PKD1L1: variants seen among roughly 807,000 people sequenced by gnomAD.
PKD1L1 encodes polycystin-1-like protein 1.
PKD1L1 carries 236 observed loss-of-function variants against 323.4 expected under a neutral mutation model. The observed-to-expected ratio is 0.73, with a 90% CI of 0.66 to 0.81. The LOEUF (loss-of-function observed/expected upper bound fraction) is 0.81. Among genes scored for constraint, PKD1L1 ranks in the 40% least tolerant of loss-of-function variants. The pLI, the probability that PKD1L1 is intolerant of heterozygous loss-of-function variation, is 0.00. For missense variants in PKD1L1, 3,320 were observed against 3,508.0 expected, an observed-to-expected ratio of 0.95 and a Z score of 1.35; for synonymous variants, 1,344 against 1,335.0, an observed-to-expected ratio of 1.01 and a Z score of -0.15.
At chr7:47,789,952 G>C (rs1006741596) in intron 56 of PKD1L1, among the ~76,000 whole-genome samples, 1 of 151,298 alleles carries the variant, frequency 6.6e-6, no homozygotes, top group Non-Finnish European at 1.5e-5. Flanking sequence ...GCAGTGGTGT[G>C]ATCTCGGCTC....
chr7:47,959,407 A>G, the PKD1L1 span, among the ~76,000 whole-genome samples: 37 of 137,126 alleles, frequency 2.7e-4, no homozygotes, highest in African/African-American at 7.9e-4. Flanking sequence ...CATCCCATCT[A>G]GGAAGTGAGG....
In PKD1L1 at chr7:47,775,053, A is replaced by C. The variant is rs2128720016; in HGVS notation, c.*90T>G. ...ACTTCTTCGTACCTCAGCTCTTCTC[A>C]CCTGCAAAACTAGGATGTCTGCTAA... is the stretch of plus-strand genomic sequence containing the variant. On this transcript the variant is annotated 3_prime_UTR_variant, in exon 57 of 57. Transcript: ENST00000289672. 9 of 1,410,414 alleles carry C rather than the reference A, an allele frequency of 6.4e-6. No individual in the cohort carries two copies. The highest frequency in any genetic ancestry group is 6.9e-6 in the Non-Finnish European group (7 of 1,008,434). 87.4% of individuals were successfully genotyped at this position (1,410,414 alleles called of 1,614,324 possible).
Position 47,843,148 on chromosome 7 carries a change from G to A in PKD1L1, c.5259C>T (p.Pro1753=). The A allele has an allele frequency of 6.2e-7, 1 of 1,611,550 alleles. No individual in the cohort carries two copies. The highest frequency in any genetic ancestry group is 1.1e-5 in the South Asian group (1 of 90,366). Residue 1753 remains proline (P), a synonymous_variant, in exon 34 of 57, where the codon CCC becomes CCT. Transcript: ENST00000289672. ...TCACAGAACCCATAATAAAAATACT[G>A]GGAAGCAAGTTTTCTGGGTGGCTAT... The part of the protein sequence containing the change: ...KLQSHPENLL[P]SIFIMGSVIL...
intron 52 of PKD1L1, 99 bp downstream of exon 52, chr7:47,808,148 C>T: frequency 7.0e-7 from 1 of 1,432,526 alleles, no homozygotes; most frequent in East Asian, 2.3e-5. Flanking sequence ...TCAAACAAAT[C>T]TGTTGTCTCG....
chr7:47,831,218 T>C lies in PKD1L1; in HGVS notation c.6472A>G (p.Arg2158Gly), dbSNP rs1489425284. The C allele has an allele frequency of 6.2e-7, 1 of 1,613,242 alleles. No homozygotes were observed. Among genetic ancestry groups the C allele is most frequent in the African/African-American group, 1.3e-5 (1 of 74,906 alleles). Reference protein sequence around the residue: ...CSLGTGFLAYRFGQEQCVQWL... With the variant: ...CSLGTGFLAYGFGQEQCVQWL... Reference sequence around the variant, plus strand: ...TGTTTGAAAAACTCTACAGCTCACCTGTAGGCTAGAAATCCTGTCCCCAAA... The same window carrying C: ...TGTTTGAAAAACTCTACAGCTCACCCGTAGGCTAGAAATCCTGTCCCCAAA... The change falls in exon 42 of 57, where the codon AGG (arginine) becomes GGG (glycine). Residue 2158 changes from arginine to glycine, a missense_variant and splice_region_variant. By Grantham distance (125) the Arg-to-Gly change is moderately radical. Coordinates refer to ENST00000289672, the MANE Select transcript of PKD1L1 (RefSeq NM_138295.5).
intron 45 of PKD1L1, among the ~76,000 whole-genome samples, chr7:47,825,074 T>C (rs561347942): frequency 5.5e-4 from 84 of 152,336 alleles, no homozygotes; most frequent in African/African-American, 9.9e-4. Context: ...AAATGCTCTA[T>C]TTGACATAGC....
Position 47,881,904 on chromosome 7 carries a change from C to A in PKD1L1, c.3442+5G>T. ...AATTGGAGGGTACAAAGAGGACATTCATACCTGAGGATGAATAGCCTTGGA... is the reference window on the plus strand; with the variant it reads ...AATTGGAGGGTACAAAGAGGACATTAATACCTGAGGATGAATAGCCTTGGA... On this transcript the variant is annotated splice_donor_5th_base_variant and intron_variant, in intron 20 of 56. Transcript: ENST00000289672. 6.3e-7 allele frequency: 1 copy of A among 1,588,158 alleles called. No individual in the cohort carries two copies. Among genetic ancestry groups the A allele is most frequent in the South Asian group, 1.1e-5 (1 of 87,926 alleles).
Position 47,905,202 on chromosome 7 carries a change from C to T in PKD1L1, c.1646G>A (p.Arg549Lys). The change falls in exon 11 of 57, where the codon AGG (arginine) becomes AAG (lysine). Residue 549 changes from arginine (R) to lysine (K), a missense_variant. Physicochemically the swap from Arg to Lys is conservative, Grantham distance 26. Coordinates refer to ENST00000289672, the MANE Select transcript of PKD1L1 (RefSeq NM_138295.5). Reference sequence around the variant, plus strand: ...TTTTTTAATGCTTCTTGAAGTTGTCCTCACTGGTGGATCCTCTCCAAAATA... The same window carrying T: ...TTTTTTAATGCTTCTTGAAGTTGTCTTCACTGGTGGATCCTCTCCAAAATA... ...EWYFGEDPPV[R>K]TTSRSIKKRL... 6.2e-7 allele frequency: 1 copy of T among 1,614,074 alleles called. No individual in the cohort carries two copies. Among genetic ancestry groups the T allele is most frequent in the Middle Eastern group, 1.6e-4 (1 of 6,062 alleles).
intron 31 of PKD1L1, among the ~76,000 whole-genome samples, chr7:47,848,778 C>T (rs1785718965): frequency 1.3e-5 from 2 of 152,092 alleles, no homozygotes; most frequent in South Asian, 2.1e-4. Context: ...GGACTCCAGC[C>T]TGGGCAACAA....
intron 56 of PKD1L1, among the ~76,000 whole-genome samples, chr7:47,787,084 G>T (rs1786825023): frequency 6.7e-6 from 1 of 148,966 alleles, no homozygotes; most frequent in Non-Finnish European, 1.5e-5. Flanking sequence ...ACAAATAAAT[G>T]CCTTGAAGTT....
At chr7:47,808,793 G>A (rs757467590) in intron 51 of PKD1L1, among the ~76,000 whole-genome samples, 21 of 152,190 alleles carry the variant, frequency 1.4e-4, no homozygotes, top group Non-Finnish European at 2.5e-4. Context: ...GCACTTGCAG[G>A]ACCAGAAGTG....
rs1418533411 is a variant in PKD1L1 at position 47,854,960 on chromosome 7, T to G, written c.4781A>C (p.Asn1594Thr). ...NLHQFTELSE[N>T]PQESLQIEIE... is the part of the protein sequence containing the mutation. Reference sequence around the variant, plus strand: ...TTCTATCTGTAGAGATTCCTGGGGGTTTTCGGAAAGCTCAGTGAACTGATG... The same window carrying G: ...TTCTATCTGTAGAGATTCCTGGGGGGTTTCGGAAAGCTCAGTGAACTGATG... The change falls in exon 30 of 57, where the codon AAC becomes ACC. Residue 1594 changes from asparagine to threonine, a missense_variant. Asn to Thr is a moderately conservative substitution (Grantham distance 65, BLOSUM62 0). Coordinates refer to ENST00000289672, the MANE Select transcript of PKD1L1 (RefSeq NM_138295.5). The G allele has an allele frequency of 6.2e-7, 1 of 1,613,962 alleles. No individual in the cohort carries two copies. Among genetic ancestry groups the G allele is most frequent in the Non-Finnish European group, 8.5e-7 (1 of 1,179,958 alleles).
At chr7:47,812,939 G>C (rs1584961025) in intron 49 of PKD1L1, among the ~76,000 whole-genome samples, 182 bp downstream of exon 49, 1 of 152,256 alleles carries the variant, frequency 6.6e-6, no homozygotes, top group African/African-American at 2.4e-5. Context: ...GCCTGAGCCT[G>C]TGTGATGCTT....
chr7:47,945,224 T>G (rs1220005952), intron 1 of PKD1L1, among the ~76,000 whole-genome samples: 1 of 152,246 alleles, frequency 6.6e-6, no homozygotes, highest in Non-Finnish European at 1.5e-5. Context: ...CCTTTGTTCT[T>G]TCCCCTGAAA....
intron 46 of PKD1L1, among the ~76,000 whole-genome samples, chr7:47,816,653 G>A (rs1406730400): frequency 6.6e-6 from 1 of 152,162 alleles, no homozygotes; most frequent in African/African-American, 2.4e-5. Context: ...ACAAAAAGGG[G>A]AGACCAAAAT....
At chr7:47,865,097 T>A in intron 26 of PKD1L1, 119 bp downstream of exon 26, 1 of 737,714 alleles carries the variant, frequency 1.4e-6, no homozygotes. Context: ...TAAGGGAAAA[T>A]CACATTTCTA....
At chr7:47,834,285 A>G (rs1341172507) in intron 40 of PKD1L1, 54 bp downstream of exon 40, 1 of 1,564,170 alleles carries the variant, frequency 6.4e-7, no homozygotes, top group African/African-American at 1.4e-5. Flanking sequence ...GAGAAATCTA[A>G]TTGTTTGCAT....
At chr7:47,790,574 G>T (rs1186854556) in intron 56 of PKD1L1, among the ~76,000 whole-genome samples, 1 of 151,900 alleles carries the variant, frequency 6.6e-6, no homozygotes, top group Non-Finnish European at 1.5e-5. Context: ...CTCGTGATCC[G>T]CCCACCTCGG....
chr7:47,922,851 T>C (rs541655380), intron 7 of PKD1L1, among the ~76,000 whole-genome samples: 200 of 152,330 alleles, frequency 1.3e-3, no homozygotes, highest in African/African-American at 4.7e-3. Flanking sequence ...CAACAGCTCA[T>C]TGAGAACGGG....
Sources: gnomAD v4.1 joint callset for allele counts (sites outside exome capture counted in the v4.1 genomes callset) on GRCh38, gnomAD v4.1.1 for gene constraint, MANE v1.5 for transcripts, NCBI Gene and HGNC (gene_info 2026-07-23, HGNC 2026-07-21) for gene names.